SCN3B: variants seen among roughly 807,000 people sequenced by gnomAD.
The protein encoded by SCN3B is sodium channel regulatory subunit beta-3.
A neutral mutation model predicts 25.4 loss-of-function variants in SCN3B; 11 were observed. That is an observed-to-expected ratio of 0.43 (90% CI 0.27 to 0.72). SCN3B has a LOEUF of 0.72. SCN3B is among the 30% of genes least tolerant of loss of function. The pLI, the probability that SCN3B is intolerant of heterozygous loss-of-function variation, is 0.18. For missense variants in SCN3B, 218 were observed against 278.3 expected, an observed-to-expected ratio of 0.78 and a Z score of 1.54; for synonymous variants, 109 against 110.7, an observed-to-expected ratio of 0.99 and a Z score of 0.09.
intron 2 of SCN3B, among the ~76,000 whole-genome samples, chr11:123,651,642 G>A (rs1955926946): frequency 6.6e-6 from 1 of 152,192 alleles, no homozygotes; most frequent in African/African-American, 2.4e-5. Context: ...GGGATTACAG[G>A]CGTGAGCCAC....
At position 123,629,369 on chromosome 11, in the gene SCN3B, A is replaced by T. The variant is rs901459894; in HGVS notation, c.*4430T>A. 6.6e-6 allele frequency: 1 copy of T among 152,190 alleles called. No homozygotes were observed. The highest frequency in any genetic ancestry group is 2.4e-5 in the African/African-American group (1 of 41,444). The allele number at this position is 152,190 out of a possible 1,614,324, so 9.4% of individuals were successfully genotyped here. On this transcript the variant is annotated 3_prime_UTR_variant, in exon 7 of 7. Transcript: ENST00000299333. ...AGCGGCCTCCGTCTCCATCACACAC[A>T]CTGCTCAGCAGAGGCAGCTCTTGCC...
chr11:123,640,805 G>A (rs1955780764), intron 4 of SCN3B: 2 of 152,386 alleles, frequency 1.3e-5, no homozygotes, highest in Admixed American at 6.5e-5. Flanking sequence ...CTGCAGAGGT[G>A]TCTACATCTG....
rs569945947 is a variant in SCN3B at position 123,649,635 on chromosome 11, T to C, written c.56-3885A>G. ...TTTCTTTTCTTTCTTTTTTCTTTCT[T>C]TCTTTTTTTTCTTTCTTTCTCTTTC... On this transcript the variant is annotated intron_variant, in intron 2 of 6. Transcript: ENST00000299333. Among the ~76,000 whole-genome samples the C allele has an allele frequency of 2.1e-5, 3 of 144,876 alleles. No homozygotes were observed. In the East Asian group the frequency reaches 5.9e-4, roughly 29 times the overall value.
rs1197521214 is a variant in SCN3B at position 123,630,759 on chromosome 11, A to G, written c.*3040T>C. 6.6e-6 allele frequency: 1 copy of G among 152,280 alleles called. No homozygotes were observed. The highest frequency in any genetic ancestry group is 1.5e-5 in the Non-Finnish European group (1 of 68,062). 9.4% of individuals were successfully genotyped at this position (152,280 alleles called of 1,614,324 possible). On this transcript the variant is annotated 3_prime_UTR_variant, in exon 7 of 7. Transcript: ENST00000299333. ...CAAAGCACATTGCTAGCATCCACCA[A>G]AAAGCAAAGTGGTAGAGAAGCAGTG...
rs1481306564 is a variant in SCN3B, at chr11:123,654,386, C to G, written c.-186G>C. On this transcript the variant is annotated 5_prime_UTR_variant, in exon 1 of 7. Coordinates refer to ENST00000299333, the MANE Select transcript of SCN3B (RefSeq NM_001040151.2). ...TACAGAATGCGTTCCACGTCGGTCC[C>G]GTCCACGCCCGCCCTCGGCTCCCTG... 1.3e-5 allele frequency: 2 copies of G among 157,422 alleles called. No homozygotes were observed. The highest frequency in any genetic ancestry group is 2.8e-5 in the Non-Finnish European group (2 of 70,948). 9.8% of individuals were successfully genotyped at this position (157,422 alleles called of 1,614,324 possible).
intron 2 of SCN3B, among the ~76,000 whole-genome samples, chr11:123,653,503 C>G (rs1219012228): frequency 6.6e-6 from 1 of 152,026 alleles, no homozygotes; most frequent in East Asian, 1.9e-4. Context: ...GATCAGGAAA[C>G]TGGAGGAAGG....
chr11:123,651,817 T>C (rs1008376933), intron 2 of SCN3B, among the ~76,000 whole-genome samples: 2 of 152,152 alleles, frequency 1.3e-5, no homozygotes, highest in Admixed American at 1.3e-4. Context: ...TCTTCCAAAG[T>C]TTTTTGGGGT....
At chr11:123,639,437 C>T (rs1955763050) in intron 4 of SCN3B, 1 of 152,222 alleles carries the variant, frequency 6.6e-6, no homozygotes, top group East Asian at 1.9e-4. Flanking sequence ...AGTGCAGTGG[C>T]ATGATCTCGG....
rs981894606 is a variant in SCN3B, at chr11:123,632,613, C to T, written c.*1186G>A. On this transcript the variant is annotated 3_prime_UTR_variant, in exon 7 of 7. Transcript: ENST00000299333. ...GACTAGCCTGGCCAACATAGTCAAA[C>T]CCTGTCTGTACTAAAAATACAAAAT... is the stretch of plus-strand genomic sequence containing the variant. 3.3e-5 allele frequency: 5 copies of T among 152,116 alleles called. No individual in the cohort carries two copies. The highest frequency in any genetic ancestry group is 7.2e-5 in the African/African-American group (3 of 41,398). The allele number at this position is 152,116 out of a possible 1,614,324, so 9.4% of individuals were successfully genotyped here. A position where few individuals can be genotyped will look rare whatever the true frequency, so the allele number is the denominator to read the frequency against.
At chr11:123,635,266 C>T (rs998056010) in intron 5 of SCN3B, among the ~76,000 whole-genome samples, 2 of 152,174 alleles carry the variant, frequency 1.3e-5, no homozygotes, top group African/African-American at 4.8e-5. Context: ...ATCACTGTAA[C>T]GTCATCTCTC....
At chr11:123,648,098 A>G (rs1955875427) in intron 2 of SCN3B, among the ~76,000 whole-genome samples, 3 of 152,250 alleles carry the variant, frequency 2.0e-5, no homozygotes, top group African/African-American at 7.2e-5. Flanking sequence ...GAGCGTATGC[A>G]GCAAGAACTC....
chr11:123,640,656 GC>G (rs1260399554), intron 4 of SCN3B: 7 of 152,230 alleles, frequency 4.6e-5, no homozygotes, highest in African/African-American at 1.7e-4. Flanking sequence ...CCCTGAGCAA[GC>G]CCCTTGCTCT....
rs1407271052 is a variant in SCN3B at position 123,630,556 on chromosome 11, T to C, written c.*3243A>G. The C allele has an allele frequency of 6.6e-6, 1 of 152,622 alleles. No individual in the cohort carries two copies. Among genetic ancestry groups the C allele is most frequent in the African/African-American group, 2.4e-5 (1 of 41,436 alleles). 9.5% of individuals were successfully genotyped at this position (152,622 alleles called of 1,614,324 possible). The stretch of plus-strand genomic sequence containing the variant: ...GAAACAGACATCTAGTCTGGGTCTT[T>C]CGTAGGATTATGGGAAGAGACAGGG... On this transcript the variant is annotated 3_prime_UTR_variant, in exon 7 of 7. Transcript: ENST00000299333.
chr11:123,640,751 A>G (rs1316879788), intron 4 of SCN3B: 2 of 152,130 alleles, frequency 1.3e-5, no homozygotes, highest in Non-Finnish European at 2.9e-5. Context: ...ATCAACTTGC[A>G]TATGACCTCA....
At chr11:123,653,893 G>A (rs1450333467) in intron 1 of SCN3B, 67 bp from the exon 2 acceptor site, 20 of 1,447,636 alleles carry the variant, frequency 1.4e-5, no homozygotes, top group Non-Finnish European at 1.9e-5. Context: ...AACCCTTTGG[G>A]ACGAACTGCC....
intron 2 of SCN3B, among the ~76,000 whole-genome samples, chr11:123,651,909 A>T (rs1955929503): frequency 6.6e-6 from 1 of 152,212 alleles, no homozygotes; most frequent in Admixed American, 6.5e-5. Context: ...GCTGAAAAGG[A>T]TGTTAGATAT....
chr11:123,644,921 C>T, intron 3 of SCN3B, among the ~76,000 whole-genome samples: 1 of 150,978 alleles, frequency 6.6e-6, no homozygotes, highest in East Asian at 2.0e-4. Flanking sequence ...TGGCACCAAC[C>T]ACCCAGAACT....
intron 2 of SCN3B, among the ~76,000 whole-genome samples, chr11:123,651,520 T>C (rs2137254515): frequency 6.6e-6 from 1 of 152,286 alleles, no homozygotes; most frequent in East Asian, 1.9e-4. Flanking sequence ...CGCACCACTA[T>C]GCCCGACTAA....
chr11:123,640,976 G>A (rs1421554849), intron 4 of SCN3B: 1 of 152,224 alleles, frequency 6.6e-6, no homozygotes, highest in Non-Finnish European at 1.5e-5. Flanking sequence ...GGCTTGCTCT[G>A]GTACCTGGCA....
Sources: gnomAD v4.1 joint callset for allele counts (sites outside exome capture counted in the v4.1 genomes callset) on GRCh38, gnomAD v4.1.1 for gene constraint, MANE v1.5 for transcripts, NCBI Gene and HGNC (gene_info 2026-07-23, HGNC 2026-07-21) for gene names.